The following CNTN4 variants were observed in gnomAD, a reference collection of about 807,000 sequenced individuals.
CNTN4 encodes the protein contactin 4.
In CNTN4, 77 loss-of-function variants were observed where a neutral mutation model predicts 122.5. That is an observed-to-expected ratio of 0.63 (90% CI 0.52 to 0.76). The LOEUF (loss-of-function observed/expected upper bound fraction) is 0.76, where lower values mean the gene tolerates loss of function less well. CNTN4 is among the 30% of genes least tolerant of loss of function. CNTN4 has a pLI of 0.00. For synonymous variants in CNTN4, 512 were observed against 447.0 expected (o/e 1.15, Z -1.83); for missense variants, 1,256 against 1,259.1 (o/e 1.00, Z 0.04).
At chr3:2,746,257 TCA>T (rs2089766964) in intron 6 of CNTN4, among the ~76,000 whole-genome samples, 1 of 152,182 alleles carries the variant, frequency 6.6e-6, no homozygotes, top group Admixed American at 6.5e-5. Context: ...GTTTCCTATT[TCA>T]CAGAGTTGAA....
chr3:2,660,945 C>CT (rs1395969968), intron 4 of CNTN4, among the ~76,000 whole-genome samples: 1 of 152,208 alleles, frequency 6.6e-6, no homozygotes, highest in Non-Finnish European at 1.5e-5. Context: ...ACTAGGCACC[C>CT]CTCTAATTCT....
At chr3:2,662,624 C>A (rs992993059) in intron 4 of CNTN4, among the ~76,000 whole-genome samples, 1 of 152,120 alleles carries the variant, frequency 6.6e-6, no homozygotes, top group Non-Finnish European at 1.5e-5. Context: ...TGGTAAGCAG[C>A]TAACTAGTCT....
chr3:2,375,008 G>A (rs914123421), intron 3 of CNTN4, among the ~76,000 whole-genome samples: 11 of 152,078 alleles, frequency 7.2e-5, no homozygotes, highest in Admixed American at 1.3e-4. Context: ...GTCGCATTGT[G>A]TCATACTCTT....
At chr3:2,327,462 A>G (rs2043510695) in intron 2 of CNTN4, among the ~76,000 whole-genome samples, 1 of 152,134 alleles carries the variant, frequency 6.6e-6, no homozygotes, top group Non-Finnish European at 1.5e-5. Context: ...GATTTATTTT[A>G]TATTTGTTTT....
chr3:2,792,139 A>G (rs1035934940), intron 6 of CNTN4, among the ~76,000 whole-genome samples: 2 of 152,206 alleles, frequency 1.3e-5, no homozygotes, highest in Non-Finnish European at 2.9e-5. Context: ...CCCTTTTCCT[A>G]GTTAAAGTCA....
intron 6 of CNTN4, among the ~76,000 whole-genome samples, chr3:2,794,076 C>T (rs1381579528): frequency 6.6e-6 from 1 of 152,126 alleles, no homozygotes; most frequent in African/African-American, 2.4e-5. Flanking sequence ...GTTTCAAATT[C>T]ACCATATCTG....
chr3:2,258,894 C>A (rs1365618321), intron 2 of CNTN4, among the ~76,000 whole-genome samples: 2 of 152,096 alleles, frequency 1.3e-5, no homozygotes. Context: ...GTTTCTCAGG[C>A]ACTTAGAGAA....
intron 23 of CNTN4, among the ~76,000 whole-genome samples, chr3:3,051,634 AG>A (rs1464567859): frequency 6.6e-6 from 1 of 152,190 alleles, no homozygotes; most frequent in African/African-American, 2.4e-5. Flanking sequence ...ATCATCAGCA[AG>A]GGGATGCTGG....
Position 2,105,332 on chromosome 3 carries a change from C to A in CNTN4, c.-145+4693C>A, listed in dbSNP as rs137859068. Among the ~76,000 whole-genome samples the A allele has an allele frequency of 5.3e-3, 806 of 152,300 alleles. 12 individuals are homozygous for A. The highest frequency in any genetic ancestry group is 0.019 in the African/African-American group (779 of 41,560). ...TCTTGCATCATGTGAGCCCGTTAAT[C>A]TGGCTATGCCTAAAGTGAGTTAACC... On this transcript the variant is annotated intron_variant, in intron 2 of 24. Transcript: ENST00000418658.
chr3:2,461,046 A>G (rs541310578), intron 3 of CNTN4, among the ~76,000 whole-genome samples: 7 of 152,250 alleles, frequency 4.6e-5, no homozygotes, highest in South Asian at 4.1e-4. Flanking sequence ...CAGTCTTACC[A>G]GTCTTACAAA....
intron 3 of CNTN4, among the ~76,000 whole-genome samples, chr3:2,403,964 A>T (rs763621980): frequency 6.6e-6 from 1 of 152,206 alleles, no homozygotes; most frequent in Non-Finnish European, 1.5e-5. Flanking sequence ...AGTGGACCCT[A>T]TGAGTACAGA....
At chr3:3,053,752 T>C (rs1335434842) in intron 23 of CNTN4, 55 bp from the exon 24 acceptor site, 29 of 1,577,588 alleles carry the variant, frequency 1.8e-5, no homozygotes, top group East Asian at 6.7e-5. Context: ...GAATGCTCCA[T>C]ATTTGGGACC....
intron 3 of CNTN4, among the ~76,000 whole-genome samples, chr3:2,546,423 G>A (rs1487461397): frequency 3.3e-5 from 5 of 152,012 alleles, no homozygotes; most frequent in African/African-American, 1.2e-4. Context: ...AGAAAACTGA[G>A]TACTGCATAT....
intron 2 of CNTN4, among the ~76,000 whole-genome samples, chr3:2,186,184 G>C (rs939846394): frequency 1.3e-5 from 2 of 148,888 alleles, no homozygotes; most frequent in Non-Finnish European, 3.0e-5. Flanking sequence ...TGCAGTGTTT[G>C]GTTTTTTGTC....
chr3:2,447,517 C>G (rs1270255563), intron 3 of CNTN4, among the ~76,000 whole-genome samples: 2 of 152,054 alleles, frequency 1.3e-5, no homozygotes, highest in South Asian at 2.1e-4. Flanking sequence ...TGTTTATTCT[C>G]TGTATCCACT....
chr3:2,353,371 A>T (rs1013560730), intron 3 of CNTN4, among the ~76,000 whole-genome samples: 34 of 152,268 alleles, frequency 2.2e-4, no homozygotes, highest in African/African-American at 8.2e-4. Flanking sequence ...AAGGGAATAA[A>T]AGCAGGCTGC....
At chr3:2,647,708 A>G (rs941449292) in intron 4 of CNTN4, among the ~76,000 whole-genome samples, 15 of 152,294 alleles carry the variant, frequency 9.8e-5, no homozygotes, top group African/African-American at 3.6e-4. Context: ...AAAAGGGGAC[A>G]TATTTCCTCA....
intron 5 of CNTN4, among the ~76,000 whole-genome samples, chr3:2,739,815 A>G (rs758995704): frequency 6.6e-6 from 1 of 152,222 alleles, no homozygotes; most frequent in Non-Finnish European, 1.5e-5. Context: ...GTAAATTGTG[A>G]AAAAGTAACT....
intron 2 of CNTN4, among the ~76,000 whole-genome samples, chr3:2,273,314 A>G (rs944280477): frequency 1.3e-5 from 2 of 152,190 alleles, no homozygotes; most frequent in Non-Finnish European, 2.9e-5. Flanking sequence ...GACTCTCAGG[A>G]TTCCCTTCAG....
Sources: gnomAD v4.1 joint callset for allele counts (sites outside exome capture counted in the v4.1 genomes callset) on GRCh38, gnomAD v4.1.1 for gene constraint, MANE v1.5 for transcripts, NCBI Gene and HGNC (gene_info 2026-07-23, HGNC 2026-07-21) for gene names.